Variants in SCARA3 observed in about 807,000 individuals in gnomAD.
SCARA3 encodes the protein scavenger receptor class A member 3.
A neutral mutation model predicts 47.0 loss-of-function variants in SCARA3; 39 were observed. That is an observed-to-expected ratio of 0.83 (90% CI 0.64 to 1.08). SCARA3 has a LOEUF of 1.08. Ranked by LOEUF, SCARA3 falls within the 50% of genes least tolerant of loss-of-function variation. The pLI is 0.00. For missense variants in SCARA3, 724 were observed against 792.3 expected (o/e 0.91, Z 1.04); for synonymous variants, 356 against 334.1 (o/e 1.07, Z -0.71).
At chr8:27,670,107 C>T (rs550026705) in intron 5 of SCARA3, among the ~76,000 whole-genome samples, 1 of 152,258 alleles carries the variant, frequency 6.6e-6, no homozygotes, top group Admixed American at 6.5e-5. Flanking sequence ...TCCCGCAGGC[C>T]CTCATGCAGA....
chr8:27,633,675 C>T (rs1801182498), upstream of SCARA3, among the ~76,000 whole-genome samples: 1 of 152,032 alleles, frequency 6.6e-6, no homozygotes. Context: ...GGCTGTGGGG[C>T]TGCGGGGGCG....
chr8:27,638,505 CTCTG>C (rs1239892789), intron 1 of SCARA3, among the ~76,000 whole-genome samples: 1 of 152,144 alleles, frequency 6.6e-6, no homozygotes, highest in Non-Finnish European at 1.5e-5. Flanking sequence ...ACAGTGGGGT[CTCTG>C]TCTGTTTCTG....
intron 1 of SCARA3, among the ~76,000 whole-genome samples, chr8:27,648,618 A>AG (rs1554537473): frequency 6.6e-6 from 1 of 151,906 alleles, no homozygotes; most frequent in Non-Finnish European, 1.5e-5. Context: ...GAAAAAAAAA[A>AG]GGAAAAAAGG....
the SCARA3 span, among the ~76,000 whole-genome samples, chr8:27,706,122 C>A: frequency 6.6e-6 from 1 of 151,936 alleles, no homozygotes; most frequent in East Asian, 1.9e-4. Context: ...ACTATGGAGG[C>A]CTTGTATAGC....
At chr8:27,654,970 G>A (rs1171004516) in intron 3 of SCARA3, among the ~76,000 whole-genome samples, 1 of 152,144 alleles carries the variant, frequency 6.6e-6, no homozygotes, top group Non-Finnish European at 1.5e-5. Flanking sequence ...CTTAATTGTA[G>A]GGAGGCTCAA....
At chr8:27,644,621 GGA>G (rs71553870) in intron 1 of SCARA3, among the ~76,000 whole-genome samples, 178 of 146,822 alleles carry the variant, frequency 1.2e-3, no homozygotes, top group East Asian at 3.0e-3. Flanking sequence ...GAAAAGAAGG[GGA>G]GAGAGAGAGA....
chr8:27,654,216 C>G (rs1801694350), intron 3 of SCARA3, among the ~76,000 whole-genome samples: 1 of 152,066 alleles, frequency 6.6e-6, no homozygotes, highest in African/African-American at 2.4e-5. Flanking sequence ...GCATATAGGT[C>G]TTCACTGTAC....
In SCARA3 at chr8:27,671,907, C is replaced by G. The variant is rs1802176212; in HGVS notation, c.*556C>G. The G allele has an allele frequency of 1.0e-6, 1 of 985,466 alleles. No homozygotes were observed. Among genetic ancestry groups the G allele is most frequent in the Non-Finnish European group, 1.2e-6 (1 of 829,946 alleles). The allele number at this position is 985,466 out of a possible 1,614,324, so 61.0% of individuals were successfully genotyped here. ...GGAGGAGAGGGCAGAGGAAGACCCCCTCTCCTGTGACTGAGCCTGCCAGGG... is the reference window on the plus strand; with the variant it reads ...GGAGGAGAGGGCAGAGGAAGACCCCGTCTCCTGTGACTGAGCCTGCCAGGG... On this transcript the variant is annotated 3_prime_UTR_variant, in exon 6 of 6. Coordinates refer to ENST00000301904, the MANE Select transcript of SCARA3 (RefSeq NM_016240.3).
chr8:27,687,931 G>A, the SCARA3 span, among the ~76,000 whole-genome samples: 1 of 152,156 alleles, frequency 6.6e-6, no homozygotes, highest in Non-Finnish European at 1.5e-5. Flanking sequence ...TGGGAGAATT[G>A]CTTGAACCCG....
chr8:27,727,047 A>G, the SCARA3 span, among the ~76,000 whole-genome samples: 1 of 152,204 alleles, frequency 6.6e-6, no homozygotes, highest in East Asian at 2.0e-4. Context: ...AAGTGTTGGG[A>G]TTACAGGCGT....
Position 27,658,709 on chromosome 8 carries a change from A to G in SCARA3, c.539A>G (p.Gln180Arg), listed in dbSNP as rs1360952884. Residue 180 changes from glutamine (Q) to arginine (R), a missense_variant, in exon 5 of 6, where the codon CAG becomes CGG. Coordinates refer to ENST00000301904, the MANE Select transcript of SCARA3 (RefSeq NM_016240.3). Reference protein sequence around the residue: ...EMGSCSFSIHQVNQSLGLFLA... With the variant: ...EMGSCSFSIHRVNQSLGLFLA... ...GGCAGTTGCTCCTTCTCCATCCACC[A>G]GGTTAACCAGTCTCTGGGGCTCTTC... 6.2e-7 allele frequency: 1 copy of G among 1,614,072 alleles called. No homozygotes were observed.
chr8:27,727,334 G>A, the SCARA3 span, among the ~76,000 whole-genome samples: 1 of 152,176 alleles, frequency 6.6e-6, no homozygotes, highest in African/African-American at 2.4e-5. Context: ...ACAGCTTTTT[G>A]TGAGGTGCAG....
In SCARA3 at chr8:27,672,807, G is replaced by A. The variant is rs1403753996; in HGVS notation, c.*1456G>A. 1.2e-5 allele frequency: 12 copies of A among 985,524 alleles called. No individual in the cohort carries two copies. The highest frequency in any genetic ancestry group is 1.1e-4 in the East Asian group (1 of 8,828). The allele number at this position is 985,524 out of a possible 1,614,324, so 61.0% of individuals were successfully genotyped here. On this transcript the variant is annotated 3_prime_UTR_variant, in exon 6 of 6. Coordinates refer to ENST00000301904, the MANE Select transcript of SCARA3 (RefSeq NM_016240.3). ...AGATTCAGGCACCACCCCCTCCACC[G>A]CCCGCAAGGTTAGGGCATAGAGTTG...
At chr8:27,661,883 G>T (rs1801920276) in intron 5 of SCARA3, among the ~76,000 whole-genome samples, 1 of 152,158 alleles carries the variant, frequency 6.6e-6, no homozygotes, top group African/African-American at 2.4e-5. Context: ...CACCCTGTGG[G>T]ATCTCCTATA....
rs1801840357 is a variant in SCARA3, at chr8:27,659,374, T to A, written c.1204T>A (p.Ser402Thr). 1.9e-6 allele frequency: 3 copies of A among 1,613,864 alleles called. No individual in the cohort carries two copies. The highest frequency in any genetic ancestry group is 1.3e-5 in the African/African-American group (1 of 74,878). ...CGAGGAGCTCTACTACCTGAACAAG[T>A]CTGTCTCCATCATGCTGGGCACCAC... is the stretch of plus-strand genomic sequence containing the variant. ...HAEELYYLNK[S>T]VSIMLGTTDL... The change falls in exon 5 of 6, where the codon TCT becomes ACT. Residue 402 changes from serine (S) to threonine (T), a missense_variant. Ser to Thr is a moderately conservative substitution (Grantham distance 58, BLOSUM62 1). Transcript: ENST00000301904.
At chr8:27,686,309 C>T in the SCARA3 span, among the ~76,000 whole-genome samples, 2 of 151,790 alleles carry the variant, frequency 1.3e-5, no homozygotes, top group Non-Finnish European at 2.9e-5. Context: ...GGTGTGGTGG[C>T]GCACAGCTGT....
the SCARA3 span, among the ~76,000 whole-genome samples, chr8:27,721,007 C>T: frequency 1.3e-5 from 2 of 152,056 alleles, no homozygotes; most frequent in Non-Finnish European, 2.9e-5. Flanking sequence ...CATTCACCCA[C>T]CTATTCACCC....
intron 3 of SCARA3, 38 bp downstream of exon 3, chr8:27,651,665 G>A (rs771574694): frequency 2.5e-6 from 4 of 1,609,448 alleles, no homozygotes; most frequent in East Asian, 2.2e-5. Flanking sequence ...CTGCAGGGGG[G>A]TGTCTGATCA....
chr8:27,731,141 C>G, the SCARA3 span, among the ~76,000 whole-genome samples: 1 of 149,322 alleles, frequency 6.7e-6, no homozygotes, highest in Non-Finnish European at 1.5e-5. Context: ...TCCCTGTCCC[C>G]CAGGCTGGAG....
Sources: gnomAD v4.1 joint callset for allele counts (sites outside exome capture counted in the v4.1 genomes callset) on GRCh38, gnomAD v4.1.1 for gene constraint, MANE v1.5 for transcripts, NCBI Gene and HGNC (gene_info 2026-07-23, HGNC 2026-07-21) for gene names.